CYB5A: variants seen among roughly 807,000 people sequenced by gnomAD.
CYB5A encodes the protein cytochrome b5.
Under a neutral mutation model 16.2 loss-of-function variants are expected in CYB5A, and 10 were observed. The ratio of observed to expected loss-of-function variants is 0.62; its 90% CI spans 0.38 to 1.04. CYB5A has a LOEUF of 1.04. CYB5A is among the 50% of genes least tolerant of loss of function. The pLI is 0.01. For missense variants in CYB5A, 161 were observed against 165.9 expected, an observed-to-expected ratio of 0.97 and a Z score of 0.16; for synonymous variants, 62 against 57.0, an observed-to-expected ratio of 1.09 and a Z score of -0.40.
intron 1 of CYB5A, among the ~76,000 whole-genome samples, chr18:74,290,534 C>G (rs1214822041): frequency 1.3e-5 from 2 of 152,128 alleles, no homozygotes; most frequent in Non-Finnish European, 2.9e-5. Flanking sequence ...TGTGAGCCAC[C>G]GTGCTTGGCC....
chr18:74,278,158 G>A (rs1331456916), intron 1 of CYB5A, among the ~76,000 whole-genome samples: 1 of 152,182 alleles, frequency 6.6e-6, no homozygotes, highest in Admixed American at 6.5e-5. Context: ...ACAGACAGAG[G>A]TGACGGAGCC....
chr18:74,256,945 A>C (rs1010827548), intron 3 of CYB5A: 1 of 1,127,036 alleles, frequency 8.9e-7, no homozygotes, highest in East Asian at 2.5e-5. Context: ...TAGCATCTAT[A>C]AAAAGTATTC....
chr18:74,281,780 T>C (rs916362015), intron 1 of CYB5A, among the ~76,000 whole-genome samples: 4 of 149,132 alleles, frequency 2.7e-5, no homozygotes, highest in Non-Finnish European at 6.0e-5. Context: ...TGTGTGTGTT[T>C]CAGGGGAGAA....
chr18:74,279,509 G>A (rs549445411), intron 1 of CYB5A, among the ~76,000 whole-genome samples: 47 of 152,270 alleles, frequency 3.1e-4, no homozygotes, highest in East Asian at 1.2e-3. Flanking sequence ...CAGCCTGGGC[G>A]ACAGAGTGAG....
chr18:74,268,542 T>C (rs1381669903), intron 1 of CYB5A, among the ~76,000 whole-genome samples: 1 of 152,062 alleles, frequency 6.6e-6, no homozygotes, highest in Non-Finnish European at 1.5e-5. Flanking sequence ...GATTTAATTT[T>C]AAAATATAAC....
intron 1 of CYB5A, among the ~76,000 whole-genome samples, chr18:74,288,458 G>T (rs1362445035): frequency 6.6e-6 from 1 of 152,192 alleles, no homozygotes; most frequent in Non-Finnish European, 1.5e-5. Flanking sequence ...TTCCTATTTA[G>T]GTAAATTAGG....
intron 1 of CYB5A, among the ~76,000 whole-genome samples, chr18:74,272,670 G>A (rs1268875401): frequency 6.6e-6 from 1 of 152,142 alleles, no homozygotes; most frequent in African/African-American, 2.4e-5. Flanking sequence ...TGTAATCCCA[G>A]TACTTTGGGA....
rs76562069 is a variant in CYB5A, at chr18:74,266,331, G to A, written c.130-2854C>T. ...CCACAACTATGTAAACTCACAGACT[G>A]CTGTTACTCGCGTAGGGACCGCTGA... On this transcript the variant is annotated intron_variant, in intron 1 of 4. Transcript: ENST00000340533. Among the ~76,000 whole-genome samples, 1,765 of 152,280 alleles carry A rather than the reference G, an allele frequency of 0.012. 112 individuals are homozygous for A. The East Asian group carries it at 0.19, about 17-fold the overall frequency.
chr18:74,278,929 T>G (rs1274432035), intron 1 of CYB5A, among the ~76,000 whole-genome samples: 1 of 152,232 alleles, frequency 6.6e-6, no homozygotes, highest in Non-Finnish European at 1.5e-5. Context: ...AAAGCAGGTG[T>G]GCTAATTCTT....
chr18:74,264,228 AGAGC>A (rs370292561), intron 1 of CYB5A, among the ~76,000 whole-genome samples: 3 of 25,010 alleles, frequency 1.2e-4, no homozygotes, highest in African/African-American at 2.1e-4. Context: ...AAAAAAAAAG[AGAGC>A]GAGAAAGAAA....
At chr18:74,263,960 G>C (rs1790891) in intron 1 of CYB5A, among the ~76,000 whole-genome samples, 143,265 of 152,044 alleles carry the variant, frequency 0.94, 67,948 homozygotes, top group East Asian at 1. Context: ...GGCCGGGCAC[G>C]GTAGCTCACG....
intron 1 of CYB5A, among the ~76,000 whole-genome samples, chr18:74,276,547 C>A (rs985898836): frequency 2.6e-5 from 4 of 151,662 alleles, no homozygotes; most frequent in African/African-American, 9.7e-5. Context: ...CACACACACA[C>A]ACACACACAC....
intron 1 of CYB5A, among the ~76,000 whole-genome samples, chr18:74,277,401 T>C (rs1982922292): frequency 1.3e-5 from 2 of 152,204 alleles, no homozygotes; most frequent in African/African-American, 4.8e-5. Context: ...TACTTCCCAT[T>C]TCACCTAGAA....
At chr18:74,271,881 A>T (rs950691901) in intron 1 of CYB5A, among the ~76,000 whole-genome samples, 1 of 152,216 alleles carries the variant, frequency 6.6e-6, no homozygotes, top group African/African-American at 2.4e-5. Context: ...CAAGGACCAA[A>T]TGAGTCTCCT....
At chr18:74,284,804 A>G (rs1983257362) in intron 1 of CYB5A, among the ~76,000 whole-genome samples, 1 of 152,116 alleles carries the variant, frequency 6.6e-6, no homozygotes, top group African/African-American at 2.4e-5. Flanking sequence ...AGATGCCATC[A>G]TTTTGGCATG....
At chr18:74,261,324 A>G in intron 2 of CYB5A, 1 of 285,394 alleles carries the variant, frequency 3.5e-6, no homozygotes, top group Admixed American at 4.5e-5. Context: ...TCTTACGTGT[A>G]TGATATCTTC....
chr18:74,268,140 G>T (rs759921893), intron 1 of CYB5A, among the ~76,000 whole-genome samples: 1 of 152,194 alleles, frequency 6.6e-6, no homozygotes, highest in East Asian at 1.9e-4. Context: ...CTCCCGCCTC[G>T]GGGAGTTCAC....
intron 1 of CYB5A, among the ~76,000 whole-genome samples, chr18:74,289,724 C>T (rs996136577): frequency 2.7e-5 from 4 of 146,796 alleles, no homozygotes; most frequent in African/African-American, 1.0e-4. Flanking sequence ...TGCAGTGAGT[C>T]GAGATCACAC....
chr18:74,281,815 G>C (rs1379923998), intron 1 of CYB5A, among the ~76,000 whole-genome samples: 2 of 145,868 alleles, frequency 1.4e-5, no homozygotes, highest in Non-Finnish European at 3.0e-5. Flanking sequence ...TTTTGCAGGA[G>C]AGGAGGGTGT....
Sources: gnomAD v4.1 joint callset for allele counts (sites outside exome capture counted in the v4.1 genomes callset) on GRCh38, gnomAD v4.1.1 for gene constraint, MANE v1.5 for transcripts, NCBI Gene and HGNC (gene_info 2026-07-23, HGNC 2026-07-21) for gene names.